The following PTPN9 variants were observed in gnomAD, a reference collection of about 807,000 sequenced individuals.
PTPN9 encodes the protein protein tyrosine phosphatase non-receptor type 9.
A neutral mutation model predicts 69.8 loss-of-function variants in PTPN9; 26 were observed. That is an observed-to-expected ratio of 0.37 (90% confidence interval 0.27 to 0.52). The LOEUF (loss-of-function observed/expected upper bound fraction) is 0.52, where lower values mean the gene tolerates loss of function less well. PTPN9 is among the 20% of genes least tolerant of loss of function. The pLI is 0.91. For synonymous variants in PTPN9, 274 were observed against 272.5 expected (o/e 1.01, Z -0.05); for missense variants, 549 against 740.3 (o/e 0.74, Z 3.00).
intron 4 of PTPN9, 62 bp downstream of exon 4, chr15:75,523,059 G>C: frequency 6.3e-7 from 1 of 1,588,850 alleles, no homozygotes; most frequent in Non-Finnish European, 8.6e-7. Context: ...ATTTAATCAA[G>C]TAAAAAACTG....
intron 1 of PTPN9, among the ~76,000 whole-genome samples, chr15:75,564,874 C>A (rs570827427): frequency 4.1e-4 from 63 of 151,820 alleles, no homozygotes; most frequent in African/African-American, 1.4e-3. Flanking sequence ...GAGCCTGAGG[C>A]GGGCAGATCA....
intron 9 of PTPN9, 43 bp downstream of exon 9, chr15:75,479,805 G>A (rs776945542): frequency 1.1e-5 from 16 of 1,490,966 alleles, no homozygotes; most frequent in African/African-American, 2.8e-5. Flanking sequence ...GGAATCATAA[G>A]TAGATGGCAC....
intron 1 of PTPN9, among the ~76,000 whole-genome samples, chr15:75,538,817 C>T (rs2074996277): frequency 6.6e-6 from 1 of 152,016 alleles, no homozygotes; most frequent in Admixed American, 6.6e-5. Flanking sequence ...TTTAGATATG[C>T]ACATAAATAT....
At chr15:75,485,617 G>A (rs1352148430) in intron 8 of PTPN9, among the ~76,000 whole-genome samples, 4 of 149,636 alleles carry the variant, frequency 2.7e-5, no homozygotes, top group African/African-American at 4.9e-5. Context: ...TGATCCACCC[G>A]CCTCGGCCTC....
At position 75,467,455 on chromosome 15, in the gene PTPN9, G is replaced by C. The variant is rs931264563; in HGVS notation, c.*1314C>G. Reference sequence around the variant, plus strand: ...CTGGGAGCAGGCAGGGACAGGTTGGGTGGGTAGGGGACAAACAGTGATTGC... The same window carrying C: ...CTGGGAGCAGGCAGGGACAGGTTGGCTGGGTAGGGGACAAACAGTGATTGC... On this transcript the variant is annotated 3_prime_UTR_variant, in exon 13 of 13. Transcript: ENST00000618819. 6 of 152,512 alleles carry C rather than the reference G, an allele frequency of 3.9e-5. No individual in the cohort carries two copies. Among genetic ancestry groups the C allele is most frequent in the Non-Finnish European group, 7.3e-5 (5 of 68,064 alleles). The allele number at this position is 152,512 out of a possible 1,614,324, so 9.4% of individuals were successfully genotyped here.
At chr15:75,534,567 C>T (rs551686204) in intron 1 of PTPN9, among the ~76,000 whole-genome samples, 14 of 149,594 alleles carry the variant, frequency 9.4e-5, no homozygotes, top group Admixed American at 1.3e-4. Context: ...CCCAGCTACT[C>T]GGGGGGCTGA....
At chr15:75,491,883 C>T (rs2074712942) in intron 7 of PTPN9, among the ~76,000 whole-genome samples, 1 of 152,162 alleles carries the variant, frequency 6.6e-6, no homozygotes, top group South Asian at 2.1e-4. Flanking sequence ...ATGTTCAAAC[C>T]AAATCTCTTC....
chr15:75,491,121 A>G (rs1169318892), intron 7 of PTPN9, among the ~76,000 whole-genome samples: 1 of 150,308 alleles, frequency 6.7e-6, no homozygotes. Flanking sequence ...AAAAAAGAGA[A>G]GCTGGGTGTG....
chr15:75,471,536 G>A (rs1370642636), intron 10 of PTPN9, among the ~76,000 whole-genome samples: 1 of 148,058 alleles, frequency 6.8e-6, no homozygotes, highest in Non-Finnish European at 1.5e-5. Flanking sequence ...CCAGGAGGTT[G>A]AGACTGCAGT....
intron 5 of PTPN9, chr15:75,513,040 A>C (rs2074851797): frequency 7.6e-6 from 3 of 394,024 alleles, no homozygotes; most frequent in South Asian, 5.9e-5. Context: ...TGAGGGGTAA[A>C]TCCTTTATAA....
intron 1 of PTPN9, among the ~76,000 whole-genome samples, chr15:75,549,617 T>TA (rs955524614): frequency 4.0e-4 from 60 of 151,708 alleles, no homozygotes; most frequent in African/African-American, 1.4e-3. Flanking sequence ...AAGGCATAGT[T>TA]AAAAAAAAGA....
chr15:75,499,954 G>A (rs764962643), intron 7 of PTPN9, among the ~76,000 whole-genome samples: 1 of 152,074 alleles, frequency 6.6e-6, no homozygotes, highest in Admixed American at 6.6e-5. Flanking sequence ...GAGGTGGGCA[G>A]ATCACTTGAG....
chr15:75,550,032 T>C (rs1197851475), intron 1 of PTPN9, among the ~76,000 whole-genome samples: 6 of 151,566 alleles, frequency 4.0e-5, no homozygotes, highest in Non-Finnish European at 8.8e-5. Flanking sequence ...CGTTTCTCTA[T>C]CAAGTACAAT....
At chr15:75,530,854 T>C (rs1317083585) in intron 1 of PTPN9, among the ~76,000 whole-genome samples, 123 of 102,782 alleles carry the variant, frequency 1.2e-3, no homozygotes, top group Non-Finnish European at 1.8e-3. Flanking sequence ...TTATATATTA[T>C]GATATATTAT....
At chr15:75,503,473 T>C (rs1313501984) in intron 7 of PTPN9, among the ~76,000 whole-genome samples, 3 of 138,598 alleles carry the variant, frequency 2.2e-5, no homozygotes, top group Non-Finnish European at 4.7e-5. Context: ...GGAGTCCCTC[T>C]GCCCGGCAGC....
At chr15:75,509,612 A>G (rs1479309565) in intron 5 of PTPN9, among the ~76,000 whole-genome samples, 3 of 152,190 alleles carry the variant, frequency 2.0e-5, no homozygotes, top group African/African-American at 7.2e-5. Context: ...ACTTGAACCC[A>G]GGAAGCAGAG....
chr15:75,464,970 G>T lies in PTPN9; in HGVS notation c.*3799C>A, dbSNP rs1297958795. On this transcript the variant is annotated 3_prime_UTR_variant, in exon 13 of 13. Transcript: ENST00000618819. Reference sequence around the variant, plus strand: ...GGAGCAATGGGAAAAAGGACACAGGGATTATCTCATGTTTGAAAAATTATA... The same window carrying T: ...GGAGCAATGGGAAAAAGGACACAGGTATTATCTCATGTTTGAAAAATTATA... The T allele has an allele frequency of 6.6e-6, 1 of 152,166 alleles. No homozygotes were observed. Among genetic ancestry groups the T allele is most frequent in the Non-Finnish European group, 1.5e-5 (1 of 68,032 alleles). The allele number at this position is 152,166 out of a possible 1,614,324, so 9.4% of individuals were successfully genotyped here.
intron 1 of PTPN9, among the ~76,000 whole-genome samples, chr15:75,564,521 G>A (rs529114356): frequency 1.8e-4 from 27 of 152,000 alleles, no homozygotes; most frequent in South Asian, 1.5e-3. Context: ...GCGTGAACCC[G>A]GGAGGCGGAG....
chr15:75,554,276 C>T (rs2075067752), intron 1 of PTPN9, among the ~76,000 whole-genome samples: 1 of 151,738 alleles, frequency 6.6e-6, no homozygotes, highest in South Asian at 2.1e-4. Flanking sequence ...CTCACCACAA[C>T]TTCTGCCTCC....
Sources: gnomAD v4.1 joint callset for allele counts (sites outside exome capture counted in the v4.1 genomes callset) on GRCh38, gnomAD v4.1.1 for gene constraint, MANE v1.5 for transcripts, NCBI Gene and HGNC (gene_info 2026-07-23, HGNC 2026-07-21) for gene names.